Variants in CELF5 observed in about 807,000 individuals in gnomAD.
CELF5 encodes CUG-BP and ETR-3 like factor 5.
CELF5 carries 6 observed loss-of-function variants against 54.9 expected under a neutral mutation model. That is an observed-to-expected ratio of 0.11 (90% CI 0.06 to 0.22). The LOEUF (loss-of-function observed/expected upper bound fraction) is 0.22, where lower values mean the gene tolerates loss of function less well. Ranked by LOEUF, CELF5 falls within the 10% of genes least tolerant of loss-of-function variation. The pLI is 1.00. For missense variants in CELF5, 401 were observed against 678.6 expected, an observed-to-expected ratio of 0.59 and a Z score of 4.54; for synonymous variants, 271 against 290.9, an observed-to-expected ratio of 0.93 and a Z score of 0.70.
chr19:3,274,682 A>T (rs761606894), intron 3 of CELF5, among the ~76,000 whole-genome samples: 1 of 152,076 alleles, frequency 6.6e-6, no homozygotes, highest in Non-Finnish European at 1.5e-5. Flanking sequence ...GGAAATTTGT[A>T]TATTTCCTCT....
At chr19:3,236,146 G>T (rs1255217176) in intron 1 of CELF5, among the ~76,000 whole-genome samples, 1 of 152,128 alleles carries the variant, frequency 6.6e-6, no homozygotes, top group Non-Finnish European at 1.5e-5. Context: ...GGACACCAGG[G>T]CCTCAGCACA....
intron 9 of CELF5, among the ~76,000 whole-genome samples, chr19:3,285,270 C>A (rs569242195): frequency 6.6e-6 from 1 of 152,028 alleles, no homozygotes; most frequent in Non-Finnish European, 1.5e-5. Context: ...CCCTTGACCA[C>A]GTCTCTAGCT....
At position 3,285,966 on chromosome 19, in the gene CELF5, C is replaced by T. The variant is rs1376782508; in HGVS notation, c.1127C>T (p.Thr376Met). The T allele has an allele frequency of 6.3e-7, 1 of 1,589,742 alleles. No homozygotes were observed. The highest frequency in any genetic ancestry group is 8.5e-7 in the Non-Finnish European group (1 of 1,174,048). The change falls in exon 10 of 13, where the codon ACG becomes ATG. Residue 376 changes from threonine to methionine, a missense_variant. Physicochemically the swap from Thr to Met is moderately conservative, Grantham distance 81. Coordinates refer to ENST00000292672, the MANE Select transcript of CELF5 (RefSeq NM_021938.4). The stretch of plus-strand genomic sequence containing the variant: ...GCCATGTACCCCACCGCGGCCATCA[C>T]GCCCATCGCGCACAGCGTCCCCCAG... ...YTAMYPTAAI[T>M]PIAHSVPQPP...
chr19:3,232,452 G>A (rs1175522255), intron 1 of CELF5, among the ~76,000 whole-genome samples: 1 of 152,080 alleles, frequency 6.6e-6, no homozygotes, highest in Non-Finnish European at 1.5e-5. Context: ...GCTGAGGAGG[G>A]AGGATTGCTT....
rs34944640 is a variant in CELF5, at chr19:3,290,730, A to AT, written c.1330+372dup. Among the ~76,000 whole-genome samples, 544 of 140,450 alleles carry AT rather than the reference A, an allele frequency of 3.9e-3. 3 individuals carry two copies. The highest frequency in any genetic ancestry group is 0.011 in the South Asian group (47 of 4,318). The allele number at this position is 140,450 out of a possible 152,430, so 92.1% of individuals were successfully genotyped here. On this transcript the variant is annotated intron_variant, in intron 11 of 12. Coordinates refer to ENST00000292672, the MANE Select transcript of CELF5 (RefSeq NM_021938.4). ...AGGCGCCCGCCACCACACCCAGCTA[A>AT]TTTTTTTTTTTTTTTTAAGTAGAGA...
At chr19:3,227,534 C>T (rs916654763) in intron 1 of CELF5, among the ~76,000 whole-genome samples, 2 of 151,974 alleles carry the variant, frequency 1.3e-5, no homozygotes, top group South Asian at 2.1e-4. Context: ...AGACTGGGCA[C>T]AGGAGATCTG....
At chr19:3,243,562 G>A (rs1037923969) in intron 1 of CELF5, among the ~76,000 whole-genome samples, 10 of 152,298 alleles carry the variant, frequency 6.6e-5, no homozygotes, top group Non-Finnish European at 1.2e-4. Context: ...GATTCCAGGT[G>A]TATGCCACCA....
intron 1 of CELF5, among the ~76,000 whole-genome samples, chr19:3,238,901 T>C (rs1365506616): frequency 6.6e-6 from 1 of 152,120 alleles, no homozygotes; most frequent in African/African-American, 2.4e-5. Flanking sequence ...CACTCTAGCC[T>C]GGGCAACAAA....
chr19:3,240,069 C>T lies in CELF5; in HGVS notation c.260-10916C>T, dbSNP rs987861142. ...TGTTGCTCAGGCTGGAGCGCAGTGG[C>T]GAGATCTCGGCTCACTGCAAACTTT... On this transcript the variant is annotated intron_variant, in intron 1 of 12. Transcript: ENST00000292672. 6.6e-5 allele frequency among the ~76,000 whole-genome samples: 10 copies of T among 151,110 alleles called. No homozygotes were observed. The East Asian group carries it at 9.7e-4, about 15-fold the overall frequency.
chr19:3,231,532 A>G, intron 1 of CELF5, among the ~76,000 whole-genome samples: 1 of 131,080 alleles, frequency 7.6e-6, no homozygotes, highest in African/African-American at 3.0e-5. Flanking sequence ...GTGGATGAGT[A>G]GTGGATGGAT....
chr19:3,235,681 TGTGGATGG>T (rs1333693031), intron 1 of CELF5, among the ~76,000 whole-genome samples: 5 of 24,044 alleles, frequency 2.1e-4, no homozygotes, highest in African/African-American at 3.5e-4. Flanking sequence ...TGGATGGATG[TGTGGATGG>T]GTGGATGGAT....
chr19:3,225,465 CT>C, intron 1 of CELF5: 2 of 365,444 alleles, frequency 5.5e-6, no homozygotes, highest in Non-Finnish European at 7.3e-6. Context: ...GCACCCCTCC[CT>C]GCCCCCCCAC....
intron 1 of CELF5, among the ~76,000 whole-genome samples, chr19:3,241,649 C>A (rs1162542188): frequency 6.6e-6 from 1 of 152,006 alleles, no homozygotes; most frequent in Non-Finnish European, 1.5e-5. Flanking sequence ...CAGGCTGAGG[C>A]TTCCTTCAGG....
At chr19:3,277,125 T>C (rs775551485) in intron 4 of CELF5, among the ~76,000 whole-genome samples, 2 of 148,380 alleles carry the variant, frequency 1.3e-5, no homozygotes, top group Non-Finnish European at 3.0e-5. Flanking sequence ...TGGTCTTTCT[T>C]ACCTTACTAG....
chr19:3,227,105 G>C (rs188093013), intron 1 of CELF5, among the ~76,000 whole-genome samples: 1,851 of 152,220 alleles, frequency 0.012, 26 homozygotes, highest in Middle Eastern at 0.031. Context: ...ACCTCGTGTC[G>C]AAAATGGGTC....
Position 3,281,110 on chromosome 19 carries a change from G to GA in CELF5, c.604-89_604-88insA. The GA allele has an allele frequency of 6.8e-7, 1 of 1,472,128 alleles. No homozygotes were observed. Among genetic ancestry groups the GA allele is most frequent in the Non-Finnish European group, 9.3e-7 (1 of 1,079,924 alleles). The allele number at this position is 1,472,128 out of a possible 1,614,324, so 91.2% of individuals were successfully genotyped here. A position where few individuals can be genotyped will look rare whatever the true frequency, so the allele number is the denominator to read the frequency against. Reference sequence around the variant, plus strand: ...CCACTGGCATTACACCCCTCACCCAGGAGGCCTGAGCTAACATGAATCCAG... The same window carrying GA: ...CCACTGGCATTACACCCCTCACCCAGAGAGGCCTGAGCTAACATGAATCCAG... On this transcript the variant is annotated intron_variant, in intron 5 of 12. Transcript: ENST00000292672. This position sits in a 1 kb window ranked among gnomAD's most constrained non-coding sequence, Gnocchi z 6.5.
intron 2 of CELF5, among the ~76,000 whole-genome samples, chr19:3,269,127 C>A (rs1310404140): frequency 6.6e-6 from 1 of 152,016 alleles, no homozygotes; most frequent in Non-Finnish European, 1.5e-5. Flanking sequence ...AGGGGTCCAC[C>A]TTCCTTCCTT....
At chr19:3,267,174 G>A (rs548300512) in intron 2 of CELF5, among the ~76,000 whole-genome samples, 54 of 152,284 alleles carry the variant, frequency 3.5e-4, no homozygotes, top group Middle Eastern at 3.4e-3. Context: ...CAGGAGGGGA[G>A]TGATCCAGGT....
At chr19:3,248,309 C>T (rs915305121) in intron 1 of CELF5, among the ~76,000 whole-genome samples, 2 of 152,100 alleles carry the variant, frequency 1.3e-5, no homozygotes, top group Non-Finnish European at 2.9e-5. Flanking sequence ...GCGAGAGTCA[C>T]CTTGCCTGGC....
Sources: gnomAD v4.1 joint callset for allele counts (sites outside exome capture counted in the v4.1 genomes callset) on GRCh38, gnomAD v4.1.1 for gene constraint, Gnocchi (gnomAD v3.1) non-coding constraint, MANE v1.5 for transcripts, NCBI Gene and HGNC (gene_info 2026-07-23, HGNC 2026-07-21) for gene names.